Variants in PDE9A observed in about 807,000 individuals in gnomAD.
PDE9A encodes the protein high affinity cGMP-specific 3',5'-cyclic phosphodiesterase 9A.
In PDE9A, 60 loss-of-function variants were observed where a neutral mutation model predicts 87.4. That is an observed-to-expected ratio of 0.69 (90% CI 0.56 to 0.85). The LOEUF is 0.85. PDE9A is among the 40% of genes least tolerant of loss of function. The probability of loss-of-function intolerance (pLI) is 0.00; values close to 1 mark genes in which losing one functional copy is unlikely to be tolerated. For missense variants in PDE9A, 665 were observed against 779.0 expected (o/e 0.85, Z 1.74); for synonymous variants, 272 against 279.4 (o/e 0.97, Z 0.27).
At position 42,772,482 on chromosome 21, in the gene PDE9A, A is replaced by G; in HGVS notation, c.1730A>G (p.Lys577Arg). ...AGCTTGACGTCTGGGGCCACCGAGA[A>G]GTCCAGAGAGAGAAGCAGAGATGTG... Reference protein sequence around the residue: ...TDSLTSGATEKSRERSRDVKN... With the variant: ...TDSLTSGATERSRERSRDVKN... The change falls in exon 19 of 20, where the codon AAG becomes AGG. Residue 577 changes from lysine (K) to arginine (R), a missense_variant. Lys to Arg is a conservative substitution (Grantham distance 26). Coordinates refer to ENST00000291539, the MANE Select transcript of PDE9A (RefSeq NM_002606.3). The G allele has an allele frequency of 6.2e-7, 1 of 1,610,620 alleles. No individual in the cohort carries two copies.
intron 8 of PDE9A, among the ~76,000 whole-genome samples, chr21:42,749,604 A>T (rs1338479040): frequency 6.6e-6 from 1 of 152,264 alleles, no homozygotes; most frequent in African/African-American, 2.4e-5. Context: ...CAAGTGCTAA[A>T]CAAAAACAGA....
In PDE9A at chr21:42,759,826, TGTG is replaced by T. The variant is rs1465408904; in HGVS notation, c.898-500_898-498del. On this transcript the variant is annotated intron_variant, in intron 11 of 19. Transcript: ENST00000291539. The surrounding 1 kb of genome is among the most constrained non-coding windows in gnomAD (Gnocchi z 7.2). ...GGATGTGTGCATGTGTGTGTGTGGA[TGTG>T]GGGTGTGTGAGTGTGTGGTGTGTGA... Among the ~76,000 whole-genome samples the T allele has an allele frequency of 6.8e-6, 1 of 147,632 alleles. No homozygotes were observed. Among genetic ancestry groups the T allele is most frequent in the Non-Finnish European group, 1.5e-5 (1 of 66,754 alleles).
chr21:42,703,320 G>T (rs2048529739), intron 4 of PDE9A, among the ~76,000 whole-genome samples: 1 of 152,242 alleles, frequency 6.6e-6, no homozygotes, highest in South Asian at 2.1e-4. Context: ...GGTGAGGCCA[G>T]CAGGGAGTGA....
Position 42,754,031 on chromosome 21 carries a change from G to A in PDE9A, c.777G>A (p.Pro259=), listed in dbSNP as rs142319558. 60 of 1,613,292 alleles carry A rather than the reference G, an allele frequency of 3.7e-5. No homozygotes were observed. The highest frequency in any genetic ancestry group is 3.3e-4 in the East Asian group (15 of 44,878). Residue 259 remains proline, a synonymous_variant, in exon 10 of 20, where the codon CCG becomes CCA. Transcript: ENST00000291539. ...SPETIEALRK[P]TFDVWLWEPN... ...AGACCATCGAGGCCCTGCGGAAGCC[G>A]ACCTTTGACGTCTGGCTTTGGGAGC... is the stretch of plus-strand genomic sequence containing the variant.
At chr21:42,763,648 G>C (rs2056058341) in intron 14 of PDE9A, among the ~76,000 whole-genome samples, 1 of 152,166 alleles carries the variant, frequency 6.6e-6, no homozygotes, top group African/African-American at 2.4e-5. Flanking sequence ...GGCGGCCCCA[G>C]GACACTCACC....
At chr21:42,755,442 G>A (rs1354088913) in intron 10 of PDE9A, among the ~76,000 whole-genome samples, 1 of 152,232 alleles carries the variant, frequency 6.6e-6, no homozygotes, top group East Asian at 1.9e-4. Flanking sequence ...AGTCCCAGGG[G>A]CTGCACTGCT....
chr21:42,710,423 A>AG (rs2049227580), intron 4 of PDE9A, among the ~76,000 whole-genome samples: 1 of 150,826 alleles, frequency 6.6e-6, no homozygotes. Context: ...AAAAAAAAAA[A>AG]AGAAAGAAAA....
chr21:42,665,157 G>A lies in PDE9A; in HGVS notation c.69+11274G>A, dbSNP rs79662481. Reference sequence around the variant, plus strand: ...AGACTCAGAGACCAGAGTGATGCATGTACAAGCCAGGCTCTGCGGGCAGCC... The same window carrying A: ...AGACTCAGAGACCAGAGTGATGCATATACAAGCCAGGCTCTGCGGGCAGCC... On this transcript the variant is annotated intron_variant, in intron 1 of 19. Coordinates refer to ENST00000291539, the MANE Select transcript of PDE9A (RefSeq NM_002606.3). Among the ~76,000 whole-genome samples, 1,174 of 152,352 alleles carry A rather than the reference G, an allele frequency of 7.7e-3. 10 individuals carry two copies. Among genetic ancestry groups the A allele is most frequent in the African/African-American group, 0.027 (1,134 of 41,582 alleles).
intron 1 of PDE9A, among the ~76,000 whole-genome samples, chr21:42,670,670 C>T (rs1488840868): frequency 6.8e-6 from 1 of 147,174 alleles, no homozygotes; most frequent in East Asian, 1.9e-4. Context: ...TACACACATA[C>T]ACATGCATTC....
chr21:42,657,337 C>A (rs1199962598), intron 1 of PDE9A, among the ~76,000 whole-genome samples: 2 of 152,232 alleles, frequency 1.3e-5, no homozygotes, highest in Admixed American at 1.3e-4. Flanking sequence ...TCACCCCCAA[C>A]CCCGTGTCTA....
Position 42,743,824 on chromosome 21 carries a change from AG to A in PDE9A, c.618del (p.Lys207ArgfsTer2), listed in dbSNP as rs778584450. ...ATTGAGAAATGCAAGAGTGACATTA[AG>A]AAGATGAGGGAGGAGCTGGCGGCCA... ...VEIEKCKSDI[K>X]KMREELAARS... On this transcript the variant is annotated frameshift_variant, in exon 8 of 20. Transcript: ENST00000291539. LOFTEE classifies it high-confidence loss of function. 1 of 1,591,648 alleles carries A rather than the reference AG, an allele frequency of 6.3e-7. No homozygotes were observed. Among genetic ancestry groups the A allele is most frequent in the Non-Finnish European group, 8.6e-7 (1 of 1,168,710 alleles).
rs143120565 is a variant in PDE9A at position 42,749,020 on chromosome 21, G to A, written c.654-2096G>A. Among the ~76,000 whole-genome samples the A allele has an allele frequency of 4.5e-3, 678 of 152,252 alleles. 7 individuals carry two copies. The highest frequency in any genetic ancestry group is 0.015 in the African/African-American group (640 of 41,542). On this transcript the variant is annotated intron_variant, in intron 8 of 19. Coordinates refer to ENST00000291539, the MANE Select transcript of PDE9A (RefSeq NM_002606.3). The stretch of plus-strand genomic sequence containing the variant: ...CGGAGGCACTGTGCTGGTTTAAACC[G>A]CTTCCCGTCTTGGGACATTCAGGTG...
intron 7 of PDE9A, among the ~76,000 whole-genome samples, chr21:42,737,619 G>A (rs1467048507): frequency 1.3e-5 from 2 of 152,092 alleles, no homozygotes; most frequent in Non-Finnish European, 2.9e-5. Flanking sequence ...CACCATGTCC[G>A]GCTAATTTTT....
intron 1 of PDE9A, 28 bp downstream of exon 1, chr21:42,653,911 C>A: frequency 7.4e-7 from 1 of 1,351,582 alleles, no homozygotes; most frequent in Non-Finnish European, 1.0e-6. Flanking sequence ...CAGACACCCC[C>A]TCCTCCCCCC....
chr21:42,762,071 C>T lies in PDE9A; in HGVS notation c.1086-12C>T. ...CGCCTGAGTCTCCCCTCACTCTCTC[C>T]TTGCCTCCCAGGTACCAGATCAATG... On this transcript the variant is annotated splice_polypyrimidine_tract_variant and intron_variant, in intron 13 of 19. Transcript: ENST00000291539. 7 of 1,611,834 alleles carry T rather than the reference C, an allele frequency of 4.3e-6. No homozygotes were observed. The highest frequency in any genetic ancestry group is 5.9e-6 in the Non-Finnish European group (7 of 1,178,744).
intron 19 of PDE9A, among the ~76,000 whole-genome samples, chr21:42,773,687 G>A (rs970806935): frequency 9.2e-5 from 14 of 151,826 alleles, no homozygotes; most frequent in Non-Finnish European, 1.8e-4. Flanking sequence ...TGTAGTCCCA[G>A]CTACTTGAGA....
intron 1 of PDE9A, among the ~76,000 whole-genome samples, chr21:42,670,277 ATT>A (rs2145949058): frequency 6.7e-6 from 1 of 149,106 alleles, no homozygotes; most frequent in Non-Finnish European, 1.5e-5. Context: ...ATATTCACAC[ATT>A]CACACATACA....
chr21:42,670,150 TTC>T (rs2058327731), intron 1 of PDE9A, among the ~76,000 whole-genome samples: 5 of 143,856 alleles, frequency 3.5e-5, no homozygotes, highest in African/African-American at 1.3e-4. Context: ...TACACACACA[TTC>T]ACACGCACAC....
At chr21:42,671,428 T>C (rs1163219826) in intron 1 of PDE9A, among the ~76,000 whole-genome samples, 1 of 152,220 alleles carries the variant, frequency 6.6e-6, no homozygotes, top group East Asian at 1.9e-4. Context: ...GAAAAGGAAA[T>C]GAGGCTGAAT....
Sources: gnomAD v4.1 joint callset for allele counts (sites outside exome capture counted in the v4.1 genomes callset) on GRCh38, gnomAD v4.1.1 for gene constraint, Gnocchi (gnomAD v3.1) non-coding constraint, MANE v1.5 for transcripts, NCBI Gene and HGNC (gene_info 2026-07-23, HGNC 2026-07-21) for gene names.